Variants in CRYBG1 observed in about 807,000 individuals in gnomAD.
CRYBG1 encodes crystallin beta-gamma domain containing 1.
CRYBG1 carries 139 observed loss-of-function variants against 189.2 expected under a neutral mutation model. That is an observed-to-expected ratio of 0.73 (90% confidence interval 0.64 to 0.85). The LOEUF (loss-of-function observed/expected upper bound fraction) is 0.85, where lower values mean the gene tolerates loss of function less well. CRYBG1 is among the 40% of genes least tolerant of loss of function. The pLI, the probability that CRYBG1 is intolerant of heterozygous loss-of-function variation, is 0.00. For synonymous variants in CRYBG1, 1,023 were observed against 1,017.1 expected (o/e 1.01, Z -0.11); for missense variants, 2,611 against 2,675.8 (o/e 0.98, Z 0.53).
Position 106,361,092 on chromosome 6 carries a change from C to T in CRYBG1, c.173+11C>T, listed in dbSNP as rs180855020. The T allele has an allele frequency of 6.5e-7, 1 of 1,533,978 alleles. No individual in the cohort carries two copies. Among genetic ancestry groups the T allele is most frequent in the South Asian group, 1.2e-5 (1 of 83,890 alleles). On this transcript the variant is annotated intron_variant, in intron 1 of 21. Transcript: ENST00000633556. ...TGCCGGAGAGGCCAGGTGAGCTCCT[C>T]GCCCGAGCCCTCCAGTCCCACCTCC...
At position 106,571,672 on chromosome 6, in the gene CRYBG1, C is replaced by T. The variant is rs1359158472; in HGVS notation, c.*3106C>T. 8.1e-6 allele frequency: 2 copies of T among 246,494 alleles called. No homozygotes were observed. Among genetic ancestry groups the T allele is most frequent in the Admixed American group, 1.1e-4 (2 of 19,002 alleles). The allele number at this position is 246,494 out of a possible 1,614,324, so 15.3% of individuals were successfully genotyped here. Reference sequence around the variant, plus strand: ...TGCCACTGCACTCCAGCCTGGGTGACACAGCGAGACCCTGTCTCTAAAACA... The same window carrying T: ...TGCCACTGCACTCCAGCCTGGGTGATACAGCGAGACCCTGTCTCTAAAACA... On this transcript the variant is annotated 3_prime_UTR_variant, in exon 22 of 22. Coordinates refer to ENST00000633556, the MANE Select transcript of CRYBG1 (RefSeq NM_001371242.2).
At chr6:106,562,612 G>A (rs933925044) in intron 20 of CRYBG1, among the ~76,000 whole-genome samples, 4 of 151,970 alleles carry the variant, frequency 2.6e-5, no homozygotes, top group Non-Finnish European at 5.9e-5. Context: ...TCAGCCTCTC[G>A]AGTAGCTGGG....
chr6:106,517,379 C>CACATAT (rs1773455914), intron 3 of CRYBG1, among the ~76,000 whole-genome samples: 5 of 71,918 alleles, frequency 7.0e-5, no homozygotes, highest in Non-Finnish European at 1.3e-4. Flanking sequence ...TACACACACA[C>CACATAT]ATATACACAC....
chr6:106,496,584 A>T (rs925667459), intron 2 of CRYBG1, among the ~76,000 whole-genome samples: 1 of 152,196 alleles, frequency 6.6e-6, no homozygotes, highest in African/African-American at 2.4e-5. Flanking sequence ...TTTAATTGAA[A>T]TTTCTGATAT....
At chr6:106,422,344 A>ATTTATTTATTTATTTTTTTTTTTTTTTTT (rs57640822) in intron 1 of CRYBG1, among the ~76,000 whole-genome samples, 1 of 139,928 alleles carries the variant, frequency 7.1e-6, no homozygotes, top group African/African-American at 2.7e-5. Context: ...TTATTTATTT[A>ATTTATTTATTTATTTTTTTTTTTTTTTTT]TTTTTGAGAC....
intron 1 of CRYBG1, among the ~76,000 whole-genome samples, chr6:106,403,281 A>G (rs1770757915): frequency 6.6e-6 from 1 of 152,182 alleles, no homozygotes; most frequent in African/African-American, 2.4e-5. Flanking sequence ...GTGAGCTATG[A>G]TGGTTCCACT....
chr6:106,532,194 A>G (rs939587199), intron 8 of CRYBG1, among the ~76,000 whole-genome samples: 3 of 152,164 alleles, frequency 2.0e-5, no homozygotes, highest in African/African-American at 7.2e-5. Flanking sequence ...TCTTCTAGCT[A>G]TTTTGAAATA....
chr6:106,568,966 TA>T lies in CRYBG1; in HGVS notation c.*403del. ...GTGGACCTACAAAGCCCTTACACTT[TA>T]AAGGGTAAGACAAAGGCTTAAGTTT... is the stretch of plus-strand genomic sequence containing the variant. On this transcript the variant is annotated 3_prime_UTR_variant, in exon 22 of 22. Coordinates refer to ENST00000633556, the MANE Select transcript of CRYBG1 (RefSeq NM_001371242.2). 5.9e-6 allele frequency: 1 copy of T among 169,900 alleles called. No individual in the cohort carries two copies. Among genetic ancestry groups the T allele is most frequent in the Non-Finnish European group, 1.3e-5 (1 of 78,270 alleles). 10.5% of individuals were successfully genotyped at this position (169,900 alleles called of 1,614,324 possible).
At chr6:106,369,941 T>C (rs1031805183) in intron 1 of CRYBG1, among the ~76,000 whole-genome samples, 1 of 152,222 alleles carries the variant, frequency 6.6e-6, no homozygotes, top group Non-Finnish European at 1.5e-5. Context: ...GCCGGTGATC[T>C]TGAGTCCTTG....
chr6:106,457,194 G>A (rs1015249903), intron 2 of CRYBG1: 1 of 152,296 alleles, frequency 6.6e-6, no homozygotes, highest in Non-Finnish European at 1.5e-5. Flanking sequence ...GCCACATCTG[G>A]TGAGAGCCTT....
At chr6:106,529,481 C>T (rs1582820483) in intron 7 of CRYBG1, among the ~76,000 whole-genome samples, 2 of 152,294 alleles carry the variant, frequency 1.3e-5, no homozygotes, top group East Asian at 1.9e-4. Flanking sequence ...CTCATCTGAG[C>T]TTATTCAAGT....
At chr6:106,416,434 A>G (rs1485299104) in intron 1 of CRYBG1, among the ~76,000 whole-genome samples, 2 of 152,126 alleles carry the variant, frequency 1.3e-5, no homozygotes, top group Non-Finnish European at 2.9e-5. Context: ...CTTCGATGGT[A>G]CTCTTCAGTC....
intron 1 of CRYBG1, among the ~76,000 whole-genome samples, chr6:106,443,414 T>C (rs9486344): frequency 0.18 from 27,229 of 152,142 alleles, 2,831 homozygotes; most frequent in East Asian, 0.26. Flanking sequence ...GAGAAAAGCT[T>C]TTCTTGGCAT....
intron 1 of CRYBG1, among the ~76,000 whole-genome samples, chr6:106,408,091 T>A (rs962433268): frequency 1.3e-5 from 2 of 152,192 alleles, no homozygotes; most frequent in African/African-American, 4.8e-5. Context: ...AGGAGCTGGT[T>A]TTTTGAAAAG....
intron 2 of CRYBG1, among the ~76,000 whole-genome samples, chr6:106,509,550 G>T (rs1416296780): frequency 6.6e-6 from 1 of 152,180 alleles, no homozygotes; most frequent in Non-Finnish European, 1.5e-5. Flanking sequence ...CAGCTGTCTA[G>T]TCCCAAAGCG....
At chr6:106,377,369 G>C (rs1445221022) in intron 1 of CRYBG1, among the ~76,000 whole-genome samples, 1 of 152,088 alleles carries the variant, frequency 6.6e-6, no homozygotes, top group Non-Finnish European at 1.5e-5. Flanking sequence ...AAAGCATGTA[G>C]CAAAAAGTTA....
intron 2 of CRYBG1, among the ~76,000 whole-genome samples, chr6:106,462,297 A>T (rs1645970953): frequency 6.6e-6 from 1 of 152,074 alleles, no homozygotes; most frequent in African/African-American, 2.4e-5. Context: ...CAGCCTCCCG[A>T]GTAGCTGGGA....
intron 8 of CRYBG1, among the ~76,000 whole-genome samples, chr6:106,532,069 C>A (rs1286116343): frequency 2.0e-5 from 3 of 151,992 alleles, no homozygotes; most frequent in East Asian, 3.9e-4. Flanking sequence ...TTATGGGGTA[C>A]AATGTGAGGT....
chr6:106,555,925 C>A, intron 17 of CRYBG1, 28 bp downstream of exon 17: 3 of 1,613,490 alleles, frequency 1.9e-6, no homozygotes, highest in Non-Finnish European at 2.5e-6. Context: ...AATAGTGTTG[C>A]AGAAATGTAT....
Sources: allele counts gnomAD v4.1 joint callset (sites outside exome capture counted in the v4.1 genomes callset), GRCh38; gene constraint gnomAD v4.1.1; transcripts MANE v1.5; gene names NCBI Gene and HGNC (gene_info 2026-07-23, HGNC 2026-07-21).